Variants in PDCD6IP observed in about 807,000 individuals in gnomAD.
PDCD6IP encodes programmed cell death 6 interacting protein.
Under a neutral mutation model 103.7 loss-of-function variants are expected in PDCD6IP, and 43 were observed. The observed-to-expected ratio is 0.41, with a 90% CI of 0.32 to 0.53. PDCD6IP has a LOEUF of 0.53. Ranked by LOEUF, PDCD6IP falls within the 20% of genes least tolerant of loss-of-function variation. The pLI, the probability that PDCD6IP is intolerant of heterozygous loss-of-function variation, is 0.16. For synonymous variants in PDCD6IP, 354 were observed against 378.7 expected, an observed-to-expected ratio of 0.93 and a Z score of 0.76; for missense variants, 871 against 1,036.7, an observed-to-expected ratio of 0.84 and a Z score of 2.20.
intron 11 of PDCD6IP, among the ~76,000 whole-genome samples, chr3:33,844,712 C>A (rs1018750570): frequency 6.6e-6 from 1 of 152,114 alleles, no homozygotes; most frequent in South Asian, 2.1e-4. Context: ...AACTCCTGGG[C>A]TCAAGTGATC....
rs138926229 is a variant in PDCD6IP at position 33,851,012 on chromosome 3, A to T, written c.1642-1476A>T. Among the ~76,000 whole-genome samples, 138 of 152,204 alleles carry T rather than the reference A, an allele frequency of 9.1e-4. No homozygotes were observed. The Middle Eastern group carries it at 0.01, about 11-fold the overall frequency. ...AGATATGGATGTAAACAAGGCCAAA[A>T]AGGAAATTCACCTACATTTAGCAGA... is the stretch of plus-strand genomic sequence containing the variant. On this transcript the variant is annotated intron_variant, in intron 12 of 17. Transcript: ENST00000307296.
At chr3:33,854,137 C>A in intron 14 of PDCD6IP, 124 bp downstream of exon 14, 1 of 1,087,236 alleles carries the variant, frequency 9.2e-7, no homozygotes, top group Non-Finnish European at 1.3e-6. Flanking sequence ...GCTTTAATGC[C>A]ATTGCTGCTG....
intron 1 of PDCD6IP, among the ~76,000 whole-genome samples, chr3:33,807,453 G>A (rs991402909): frequency 6.6e-6 from 1 of 152,178 alleles, no homozygotes; most frequent in Non-Finnish European, 1.5e-5. Context: ...CTGTGGTGCT[G>A]CCTACACCAG....
chr3:33,835,279 C>T (rs1266710455), intron 7 of PDCD6IP: 6 of 456,610 alleles, frequency 1.3e-5, no homozygotes, highest in Admixed American at 7.0e-5. Flanking sequence ...GAGAGTTAGG[C>T]CGTTTGAGGT....
rs1201372536 is a variant in PDCD6IP at position 33,833,721 on chromosome 3, A to C, written c.835-2323A>C. Reference sequence around the variant, plus strand: ...GGCAATATTTCTTTGGTGAGCTTTCATTATCTACTGGAAAGATATACTGCT... The same window carrying C: ...GGCAATATTTCTTTGGTGAGCTTTCCTTATCTACTGGAAAGATATACTGCT... On this transcript the variant is annotated intron_variant, in intron 7 of 17. Transcript: ENST00000307296. Among the ~76,000 whole-genome samples the C allele has an allele frequency of 2.0e-5, 3 of 152,114 alleles. No individual in the cohort carries two copies. The East Asian group carries it at 5.8e-4, about 29-fold the overall frequency.
intron 1 of PDCD6IP, among the ~76,000 whole-genome samples, chr3:33,802,941 C>T (rs1022198522): frequency 1.3e-5 from 2 of 152,168 alleles, no homozygotes; most frequent in African/African-American, 4.8e-5. Context: ...TAATTCAGAT[C>T]CTTTTCTGGC....
intron 1 of PDCD6IP, among the ~76,000 whole-genome samples, chr3:33,809,628 T>G (rs1559772107): frequency 6.6e-6 from 1 of 152,258 alleles, no homozygotes; most frequent in Non-Finnish European, 1.5e-5. Flanking sequence ...AAGTTGGCAT[T>G]GATTCATTAT....
intron 3 of PDCD6IP, among the ~76,000 whole-genome samples, chr3:33,814,710 T>C (rs533417639): frequency 8.9e-5 from 13 of 146,232 alleles, no homozygotes; most frequent in Middle Eastern, 4.2e-3. Flanking sequence ...TATGTATGTA[T>C]ATATGTAAGT....
Position 33,845,448 on chromosome 3 carries a change from A to G in PDCD6IP, c.1501A>G (p.Lys501Glu). 6.2e-7 allele frequency: 1 copy of G among 1,614,010 alleles called. No homozygotes were observed. The highest frequency in any genetic ancestry group is 8.5e-7 in the Non-Finnish European group (1 of 1,179,898). Residue 501 changes from lysine (K) to glutamate (E), a missense_variant, in exon 12 of 18, where the codon AAA becomes GAA. Physicochemically the swap from Lys to Glu is moderately conservative, Grantham distance 56 (BLOSUM62 1). Around this residue, in one of 5 missense-constraint regions of PDCD6IP, gnomAD observed 266 missense variants for 390.5 expected, o/e 0.68. Coordinates refer to ENST00000307296, the MANE Select transcript of PDCD6IP (RefSeq NM_013374.6). ...AACCAACTTCAGAACAGTTTTAGATAAAGCTGTGCAGGCAGATGGACAAGT... is the reference window on the plus strand; with the variant it reads ...AACCAACTTCAGAACAGTTTTAGATGAAGCTGTGCAGGCAGATGGACAAGT... ...EGTNFRTVLD[K>E]AVQADGQVKE...
rs76024892 is a variant in PDCD6IP, at chr3:33,835,691, C to G, written c.835-353C>G. On this transcript the variant is annotated intron_variant, in intron 7 of 17. Coordinates refer to ENST00000307296, the MANE Select transcript of PDCD6IP (RefSeq NM_013374.6). ...CGAGATCGCGCCACTGTGCTCCAGC[C>G]TGGGCGTCACAGAGTGAGACTCTGT... Among the ~76,000 whole-genome samples the G allele has an allele frequency of 4.5e-4, 69 of 151,932 alleles. 1 individual carries two copies. The East Asian group carries it at 0.013, about 28-fold the overall frequency.
chr3:33,826,427 A>T, intron 5 of PDCD6IP, 53 bp from the exon 6 acceptor site: 1 of 1,235,184 alleles, frequency 8.1e-7, no homozygotes, highest in East Asian at 2.4e-5. Context: ...ATACTGAGAC[A>T]TGTCAGATTA....
chr3:33,825,318 A>AT lies in PDCD6IP; in HGVS notation c.602dup (p.Leu201PhefsTer7). On this transcript the variant is annotated frameshift_variant, in exon 5 of 18. Transcript: ENST00000307296. LOFTEE classifies it high-confidence loss of function. ...TTATGCTGGCACAGGCTCAAGAAGT[A>AT]TTTTTTTTAAAAGCCACAAGAGGTA... is the stretch of plus-strand genomic sequence containing the variant. 3.1e-6 allele frequency: 5 copies of AT among 1,600,180 alleles called. No homozygotes were observed. Among genetic ancestry groups the AT allele is most frequent in the Admixed American group, 3.6e-5 (2 of 55,838 alleles).
Position 33,867,563 on chromosome 3 carries a change from A to G in PDCD6IP, c.*1038A>G, listed in dbSNP as rs562245523. ...TTTTCCTTAAAGATTGGAGTATTTT[A>G]TAATTCAAGGAGCATACAAAACAAT... On this transcript the variant is annotated 3_prime_UTR_variant, in exon 18 of 18. Coordinates refer to ENST00000307296, the MANE Select transcript of PDCD6IP (RefSeq NM_013374.6). 2.0e-5 allele frequency: 3 copies of G among 152,324 alleles called. No homozygotes were observed. The highest frequency in any genetic ancestry group is 3.9e-4 in the East Asian group (2 of 5,192). The allele number at this position is 152,324 out of a possible 1,614,324, so 9.4% of individuals were successfully genotyped here.
chr3:33,802,081 A>C (rs536969956), intron 1 of PDCD6IP, among the ~76,000 whole-genome samples: 1 of 152,332 alleles, frequency 6.6e-6, no homozygotes, highest in African/African-American at 2.4e-5. Flanking sequence ...CTGGTAGCCC[A>C]GGGCTGGTGT....
chr3:33,850,875 C>CT (rs1452130087), intron 12 of PDCD6IP, among the ~76,000 whole-genome samples: 1 of 151,986 alleles, frequency 6.6e-6, no homozygotes, highest in African/African-American at 2.4e-5. Flanking sequence ...CCCCTGTACC[C>CT]TCTTCTTTCC....
intron 9 of PDCD6IP, among the ~76,000 whole-genome samples, chr3:33,839,285 T>C (rs548981488): frequency 6.6e-6 from 1 of 152,362 alleles, no homozygotes; most frequent in East Asian, 1.9e-4. Flanking sequence ...TTTTATACAA[T>C]TTAAAACACG....
rs200810016 is a variant in PDCD6IP at position 33,835,718 on chromosome 3, T to TA, written c.835-317dup. Among the ~76,000 whole-genome samples the TA allele has an allele frequency of 5.1e-3, 773 of 150,634 alleles. 9 individuals are homozygous for TA. Among genetic ancestry groups the TA allele is most frequent in the African/African-American group, 0.017 (701 of 41,002 alleles). On this transcript the variant is annotated intron_variant, in intron 7 of 17. Coordinates refer to ENST00000307296, the MANE Select transcript of PDCD6IP (RefSeq NM_013374.6). ...GGGCGTCACAGAGTGAGACTCTGTC[T>TA]AAAAAAAAAGAAGGAAAAAAAGAAA...
chr3:33,838,605 A>G (rs1438153013), intron 9 of PDCD6IP, among the ~76,000 whole-genome samples: 1 of 152,080 alleles, frequency 6.6e-6, no homozygotes, highest in East Asian at 1.9e-4. Flanking sequence ...GAACTCAGAT[A>G]CATGGTACAT....
intron 5 of PDCD6IP, 89 bp from the exon 6 acceptor site, chr3:33,826,391 T>C: frequency 2.5e-6 from 2 of 799,784 alleles, no homozygotes; most frequent in African/African-American, 1.7e-5. Flanking sequence ...TTCAGATGCG[T>C]GTACAAACTT....
Sources: allele counts gnomAD v4.1 joint callset (sites outside exome capture counted in the v4.1 genomes callset), GRCh38; gene constraint gnomAD v4.1.1; regional missense constraint gnomAD v4.1.1; transcripts MANE v1.5; gene names NCBI Gene and HGNC (gene_info 2026-07-23, HGNC 2026-07-21).